The following FAM193A variants were observed in gnomAD, a reference collection of about 807,000 sequenced individuals.
FAM193A encodes the protein protein FAM193A.
A neutral mutation model predicts 126.5 loss-of-function variants in FAM193A; 22 were observed. The ratio of observed to expected loss-of-function variants is 0.17; its 90% CI spans 0.12 to 0.25. The LOEUF is 0.25. FAM193A is among the 10% of genes least tolerant of loss of function. The probability of loss-of-function intolerance (pLI) is 1.00; values close to 1 mark genes in which losing one functional copy is unlikely to be tolerated. For synonymous variants in FAM193A, 761 were observed against 646.8 expected (o/e 1.18, Z -2.68); for missense variants, 1,675 against 1,672.8 (o/e 1.00, Z -0.02).
intron 13 of FAM193A, among the ~76,000 whole-genome samples, chr4:2,677,214 C>T (rs1044390750): frequency 6.6e-6 from 1 of 152,128 alleles, no homozygotes; most frequent in African/African-American, 2.4e-5. Context: ...TGCCCTTTTC[C>T]TGTTGAAGGA....
At chr4:2,622,022 A>G (rs1742575798) in intron 2 of FAM193A, among the ~76,000 whole-genome samples, 1 of 152,148 alleles carries the variant, frequency 6.6e-6, no homozygotes, top group Non-Finnish European at 1.5e-5. Context: ...TGGGAAATGA[A>G]GGTGGGCGGA....
chr4:2,664,795 C>G lies in FAM193A; in HGVS notation c.2079+1507C>G, dbSNP rs182199439. Among the ~76,000 whole-genome samples the G allele has an allele frequency of 2.8e-3, 428 of 152,142 alleles. 1 individual carries two copies. Among genetic ancestry groups the G allele is most frequent in the African/African-American group, 7.7e-3 (321 of 41,526 alleles). ...GGCCAGGCTGGTCTCGAACTCCTGA[C>G]CTTGTGATCCGCCCGTGTTGGCCTC... On this transcript the variant is annotated intron_variant, in intron 12 of 20. Coordinates refer to ENST00000637812, the MANE Select transcript of FAM193A (RefSeq NM_001366318.2).
intron 1 of FAM193A, among the ~76,000 whole-genome samples, chr4:2,560,868 G>C (rs922588194): frequency 6.6e-6 from 1 of 151,992 alleles, no homozygotes; most frequent in African/African-American, 2.4e-5. Flanking sequence ...GGCTGGTCTC[G>C]AACTCCTGGG....
At chr4:2,616,231 T>C (rs1346728282) in intron 2 of FAM193A, among the ~76,000 whole-genome samples, 1 of 152,208 alleles carries the variant, frequency 6.6e-6, no homozygotes, top group Admixed American at 6.6e-5. Flanking sequence ...ACCATCATCA[T>C]CAGCATCAGC....
At chr4:2,561,429 C>T (rs937564812) in intron 1 of FAM193A, among the ~76,000 whole-genome samples, 3 of 150,164 alleles carry the variant, frequency 2.0e-5, no homozygotes, top group South Asian at 2.1e-4. Context: ...GTGATGGGCC[C>T]GCCTTGATCT....
At chr4:2,608,063 T>C in intron 2 of FAM193A, 1 of 1,610,190 alleles carries the variant, frequency 6.2e-7, no homozygotes, top group Non-Finnish European at 8.5e-7. Flanking sequence ...TTGCAGAGTG[T>C]AAGGTGAAGC....
intron 13 of FAM193A, among the ~76,000 whole-genome samples, chr4:2,681,401 C>CT (rs1354156632): frequency 2.6e-5 from 4 of 151,458 alleles, no homozygotes; most frequent in Non-Finnish European, 5.9e-5. Flanking sequence ...TTAGATTGTT[C>CT]TTTTTCTAAT....
intron 1 of FAM193A, among the ~76,000 whole-genome samples, chr4:2,586,254 A>AT (rs1553889911): frequency 0.014 from 2,159 of 150,810 alleles, 34 homozygotes; most frequent in African/African-American, 0.027. Context: ...CAAAAAAAAA[A>AT]ATATATATAT....
intron 19 of FAM193A, among the ~76,000 whole-genome samples, chr4:2,711,009 GC>G (rs1459671147): frequency 1.3e-5 from 2 of 151,342 alleles, no homozygotes; most frequent in African/African-American, 4.9e-5. Context: ...CCACCACCTC[GC>G]CCGGCTAATT....
intron 5 of FAM193A, 129 bp from the exon 6 acceptor site, chr4:2,639,606 T>C (rs1382418364): frequency 5.2e-6 from 3 of 579,044 alleles, no homozygotes; most frequent in Non-Finnish European, 8.4e-6. Flanking sequence ...CTGAACACTC[T>C]GGGCCTGTGA....
At chr4:2,659,464 A>T (rs1712131072) in intron 8 of FAM193A, 94 bp from the exon 9 acceptor site, 3 of 866,454 alleles carry the variant, frequency 3.5e-6, no homozygotes, top group Non-Finnish European at 5.6e-6. Context: ...AGTGCCCGTG[A>T]ACATGATACA....
intron 19 of FAM193A, among the ~76,000 whole-genome samples, chr4:2,705,178 G>C (rs1185672270): frequency 6.6e-6 from 1 of 152,220 alleles, no homozygotes; most frequent in East Asian, 1.9e-4. Context: ...CCAAAGTGCT[G>C]GGATTACAGG....
rs1280575966 is a variant in FAM193A, at chr4:2,699,666, T to G, written c.3508-14T>G. On this transcript the variant is annotated splice_polypyrimidine_tract_variant and intron_variant, in intron 18 of 20. Transcript: ENST00000637812. The stretch of plus-strand genomic sequence containing the variant: ...TCACTGTAGTCTTAAATTGCCTTCT[T>G]TTTGCATTGGCAGCTGGAGGAGAAA... 6.3e-7 allele frequency: 1 copy of G among 1,577,788 alleles called. No individual in the cohort carries two copies. The highest frequency in any genetic ancestry group is 2.0e-5 in the Admixed American group (1 of 49,860).
At chr4:2,649,746 A>C (rs1239724769) in intron 7 of FAM193A, among the ~76,000 whole-genome samples, 1 of 152,214 alleles carries the variant, frequency 6.6e-6, no homozygotes, top group Admixed American at 6.5e-5. Context: ...GCTGCTGGTT[A>C]CTGGGTGCCC....
At chr4:2,660,127 T>G in intron 10 of FAM193A, 73 bp downstream of exon 10, 1 of 1,466,802 alleles carries the variant, frequency 6.8e-7, no homozygotes, top group South Asian at 1.2e-5. Flanking sequence ...TACAGTAATG[T>G]CCACAGAAGT....
intron 1 of FAM193A, among the ~76,000 whole-genome samples, chr4:2,540,940 G>A (rs1321516512): frequency 1.4e-5 from 2 of 143,422 alleles, no homozygotes; most frequent in Non-Finnish European, 3.0e-5. Flanking sequence ...TAGCCTGGGC[G>A]ACAGTGCAAG....
Position 2,699,999 on chromosome 4 carries a change from C to A in FAM193A, c.3827C>A (p.Ser1276Tyr). ...QTEEPETSSH[S>Y]PSRHMNHSEP... The stretch of plus-strand genomic sequence containing the variant: ...GAAGAACCAGAAACCTCTTCTCACT[C>A]CCCATCCAGGCATATGAACCACTCA... The change falls in exon 19 of 21, where the codon TCC (serine) becomes TAC (tyrosine). Residue 1276 changes from serine to tyrosine, a missense_variant. Physicochemically the swap from Ser to Tyr is moderately radical, Grantham distance 144. Transcript: ENST00000637812. The A allele has an allele frequency of 6.2e-7, 1 of 1,613,894 alleles. No individual in the cohort carries two copies. The highest frequency in any genetic ancestry group is 8.5e-7 in the Non-Finnish European group (1 of 1,179,958).
chr4:2,609,182 G>T (rs1290032277), intron 2 of FAM193A, among the ~76,000 whole-genome samples: 1 of 151,876 alleles, frequency 6.6e-6, no homozygotes. Flanking sequence ...CTGAGCCACC[G>T]TGCCTGGCTG....
intron 7 of FAM193A, among the ~76,000 whole-genome samples, chr4:2,655,303 T>G (rs1711540896): frequency 6.6e-6 from 1 of 152,216 alleles, no homozygotes; most frequent in Non-Finnish European, 1.5e-5. Flanking sequence ...CTGTATGAGT[T>G]AAGAGTTTAG....
Sources: allele counts gnomAD v4.1 joint callset (sites outside exome capture counted in the v4.1 genomes callset), GRCh38; gene constraint gnomAD v4.1.1; transcripts MANE v1.5; gene names NCBI Gene and HGNC (gene_info 2026-07-23, HGNC 2026-07-21).